Variants in TDRD1 observed in about 807,000 individuals in gnomAD.
TDRD1 encodes tudor domain containing 1.
TDRD1 carries 37 observed loss-of-function variants against 140.6 expected under a neutral mutation model. That is an observed-to-expected ratio of 0.26 (90% CI 0.20 to 0.35). TDRD1 has a LOEUF of 0.35. Among genes scored for constraint, TDRD1 ranks in the 10% least tolerant of loss-of-function variants. The pLI, the probability that TDRD1 is intolerant of heterozygous loss-of-function variation, is 1.00. For synonymous variants in TDRD1, 506 were observed against 475.7 expected, an observed-to-expected ratio of 1.06 and a Z score of -0.83; for missense variants, 1,243 against 1,393.0, an observed-to-expected ratio of 0.89 and a Z score of 1.71.
At chr10:114,217,676 T>C in intron 17 of TDRD1, 21 bp downstream of exon 17, 1 of 1,319,842 alleles carries the variant, frequency 7.6e-7, no homozygotes, top group Non-Finnish European at 1.1e-6. Context: ...ATTGATGCAA[T>C]CTTGACTTTT....
chr10:114,218,502 A>G, exon 18 of TDRD1: 1 of 1,612,796 alleles, frequency 6.2e-7, no homozygotes, highest in Non-Finnish European at 8.5e-7. Context: ...GAAACATCGA[A>G]GAAGTTACTG....
rs145441323 is a variant in TDRD1 at position 114,211,982 on chromosome 10, A to G, written c.1777A>G (p.Ile593Val). The G allele has an allele frequency of 1.8e-3, 2,853 of 1,612,788 alleles. 74 individuals carry two copies. In the South Asian group the frequency reaches 0.028, roughly 16 times the overall value. The change falls in exon 14 of 26, where the codon ATA becomes GTA. Residue 593 changes from isoleucine to valine, a missense_variant. Physicochemically the swap from Ile to Val is conservative, Grantham distance 29 (BLOSUM62 3). Coordinates refer to ENST00000251864, the Ensembl canonical transcript of TDRD1. ...CCTTAGTTTGATGAGACTTTGTCCC[A>G]TAATCCCAAAGTTGTTGGAATTGCC...
At chr10:114,213,612 A>G in intron 15 of TDRD1, 24 bp downstream of exon 15, 1 of 1,606,596 alleles carries the variant, frequency 6.2e-7, no homozygotes, top group Non-Finnish European at 8.5e-7. Context: ...TTACTGGATA[A>G]TGCCTGTTCT....
intron 3 of TDRD1, among the ~76,000 whole-genome samples, chr10:114,198,602 G>T (rs1467711203): frequency 6.8e-6 from 1 of 146,902 alleles, no homozygotes; most frequent in African/African-American, 2.5e-5. Flanking sequence ...TGTCTTGCTG[G>T]TCTGCCTCTT....
intron 1 of TDRD1, among the ~76,000 whole-genome samples, chr10:114,182,680 A>G (rs1346927408): frequency 6.7e-6 from 1 of 148,520 alleles, no homozygotes; most frequent in African/African-American, 2.5e-5. Flanking sequence ...AGTTTTTATC[A>G]TACGAATATC....
chr10:114,221,223 A>G, intron 19 of TDRD1, 134 bp from the exon 20 acceptor site: 1 of 984,986 alleles, frequency 1.0e-6, no homozygotes, highest in Non-Finnish European at 1.5e-6. Flanking sequence ...GAAAAAATAC[A>G]GATTTTTATT....
In TDRD1 at chr10:114,208,515, C is replaced by T. The variant is rs888699271; in HGVS notation, c.1385-2066C>T. ...AACTTGGTCTCTAATGTCAGCATAC[C>T]GAGCTAGCGACATCACCATGCTTTT... On this transcript the variant is annotated intron_variant, in intron 11 of 25. Coordinates refer to ENST00000251864, the Ensembl canonical transcript of TDRD1. Among the ~76,000 whole-genome samples the T allele has an allele frequency of 5.9e-5, 9 of 152,150 alleles. No homozygotes were observed. The East Asian group carries it at 9.6e-4, about 16-fold the overall frequency.
chr10:114,210,925 T>G, exon 13 of TDRD1: 1 of 1,614,138 alleles, frequency 6.2e-7, no homozygotes, highest in Non-Finnish European at 8.5e-7. Flanking sequence ...ACGCTCTGAT[T>G]TTTATCCAGC....
chr10:114,187,829 TCG>T (rs779576046), exon 2 of TDRD1: 2 of 1,567,684 alleles, frequency 1.3e-6, no homozygotes, highest in Non-Finnish European at 1.7e-6. Flanking sequence ...TCCTTAGGCC[TCG>T]ATGAGTGTTA....
chr10:114,197,405 C>T (rs2034437687), intron 3 of TDRD1, among the ~76,000 whole-genome samples: 1 of 152,088 alleles, frequency 6.6e-6, no homozygotes, highest in South Asian at 2.1e-4. Flanking sequence ...TTAAAATACT[C>T]ATTTGGTTCT....
intron 1 of TDRD1, among the ~76,000 whole-genome samples, chr10:114,187,481 A>G (rs770036978): frequency 2.6e-5 from 4 of 152,270 alleles, no homozygotes; most frequent in Non-Finnish European, 4.4e-5. Flanking sequence ...GCATTTTGCC[A>G]TTAAAGTGTA....
upstream of TDRD1, among the ~76,000 whole-genome samples, chr10:114,178,599 G>A (rs1359077806): frequency 1.4e-4 from 22 of 152,192 alleles, no homozygotes; most frequent in Admixed American, 1.4e-3. Context: ...GGAGGGCTGA[G>A]ATGTTACTAA....
rs1420178213 is a variant in TDRD1, at chr10:114,217,644, CT to C, written c.2319del (p.Phe773LeufsTer11). The C allele has an allele frequency of 1.3e-5, 20 of 1,590,994 alleles. No individual in the cohort carries two copies. The highest frequency in any genetic ancestry group is 3.5e-5 in the Admixed American group (2 of 57,356). ...GCAGAGATAGGACAACCTTGTTGTG[CT>C]TTTTTTGCAGGTAAGTTGCAATTGA... On this transcript the variant is annotated frameshift_variant, in exon 17 of 26. Transcript: ENST00000251864. LOFTEE classifies it high-confidence loss of function.
upstream of TDRD1, among the ~76,000 whole-genome samples, chr10:114,177,834 CTT>C (rs34189756): frequency 2.4e-4 from 31 of 131,076 alleles, no homozygotes; most frequent in South Asian, 4.9e-4. Context: ...CTTTCTTTTT[CTT>C]TTTTTTTTTT....
At chr10:114,175,089 C>G (rs2032662658), upstream of TDRD1, among the ~76,000 whole-genome samples, 1 of 152,204 alleles carries the variant, frequency 6.6e-6, no homozygotes, top group African/African-American at 2.4e-5. Context: ...AACACACACA[C>G]GGAGGTGTAA....
intron 13 of TDRD1, among the ~76,000 whole-genome samples, chr10:114,211,314 G>A (rs1224678643): frequency 6.6e-6 from 1 of 152,134 alleles, no homozygotes; most frequent in African/African-American, 2.4e-5. Context: ...TATCTTCACC[G>A]GTTTTATTGA....
intron 16 of TDRD1, among the ~76,000 whole-genome samples, chr10:114,216,292 T>C (rs1481319280): frequency 4.6e-5 from 7 of 152,232 alleles, no homozygotes; most frequent in Admixed American, 4.6e-4. Context: ...TTAGTCTCTA[T>C]TCTTTTTCAT....
upstream of TDRD1, among the ~76,000 whole-genome samples, chr10:114,175,273 T>C (rs951438636): frequency 6.6e-6 from 1 of 152,226 alleles, no homozygotes; most frequent in Admixed American, 6.5e-5. Context: ...CTGTTTTCGG[T>C]ACTCGTCAGT....
At chr10:114,231,468 A>G in intron 25 of TDRD1, 2 of 1,590,484 alleles carry the variant, frequency 1.3e-6, no homozygotes, top group Non-Finnish European at 1.7e-6. Context: ...ATGATAGTTG[A>G]TTTTTTTTCT....
Sources: gnomAD v4.1 joint callset for allele counts (sites outside exome capture counted in the v4.1 genomes callset) on GRCh38, gnomAD v4.1.1 for gene constraint, MANE v1.5 for transcripts, NCBI Gene and HGNC (gene_info 2026-07-23, HGNC 2026-07-21) for gene names.